The following RAD51B variants were observed in gnomAD, a reference collection of about 807,000 sequenced individuals.
RAD51B encodes DNA repair protein RAD51 homolog 2.
A neutral mutation model predicts 42.2 loss-of-function variants in RAD51B; 38 were observed. That is an observed-to-expected ratio of 0.90 (90% CI 0.70 to 1.18). RAD51B has a LOEUF of 1.18. RAD51B is among the 50% of genes most tolerant of loss of function. The pLI is 0.00. For synonymous variants in RAD51B, 154 were observed against 145.2 expected (o/e 1.06, Z -0.43); for missense variants, 373 against 400.7 (o/e 0.93, Z 0.59).
chr14:68,668,542 CTCTG>C (rs1292640657), intron 11 of RAD51B, among the ~76,000 whole-genome samples: 1 of 152,252 alleles, frequency 6.6e-6, no homozygotes, highest in African/African-American at 2.4e-5. Context: ...AGCCCTCCAG[CTCTG>C]TCTGTGATGG....
intron 10 of RAD51B, among the ~76,000 whole-genome samples, chr14:68,470,956 C>T (rs2086108606): frequency 1.3e-5 from 2 of 152,200 alleles, no homozygotes; most frequent in Non-Finnish European, 2.9e-5. Context: ...CCCCTTCTTA[C>T]CACATGACCA....
At chr14:68,059,278 T>G (rs549306262) in intron 7 of RAD51B, among the ~76,000 whole-genome samples, 29 of 152,342 alleles carry the variant, frequency 1.9e-4, no homozygotes, top group Admixed American at 3.9e-4. Context: ...CCTTCTGTAA[T>G]TCCTTCTCCC....
At chr14:68,668,908 G>A (rs577752410) in intron 11 of RAD51B, among the ~76,000 whole-genome samples, 1 of 152,364 alleles carries the variant, frequency 6.6e-6, no homozygotes, top group East Asian at 1.9e-4. Context: ...ATTGAACCAA[G>A]ATGGGTTTTC....
chr14:68,187,561 T>A (rs1330254586), intron 7 of RAD51B, among the ~76,000 whole-genome samples: 1 of 152,190 alleles, frequency 6.6e-6, no homozygotes, highest in Non-Finnish European at 1.5e-5. Context: ...TATGCTTTTA[T>A]GTTTGTAAAA....
At chr14:67,938,373 T>A (rs1458912174) in intron 7 of RAD51B, among the ~76,000 whole-genome samples, 1 of 152,246 alleles carries the variant, frequency 6.6e-6, no homozygotes, top group Admixed American at 6.5e-5. Context: ...GAAAGTTTTC[T>A]AACAAATAAT....
intron 9 of RAD51B, among the ~76,000 whole-genome samples, chr14:68,463,574 G>A (rs1416460913): frequency 6.6e-5 from 10 of 151,220 alleles, no homozygotes; most frequent in Non-Finnish European, 1.5e-4. Flanking sequence ...ATGTACTAGT[G>A]TATAATACTA....
chr14:68,514,325 A>C (rs938158081), intron 10 of RAD51B, among the ~76,000 whole-genome samples: 11 of 152,274 alleles, frequency 7.2e-5, no homozygotes, highest in Non-Finnish European at 1.3e-4. Context: ...AGCAGGACCT[A>C]CTGTGGCCCA....
chr14:68,212,880 A>G (rs985530963), intron 7 of RAD51B, among the ~76,000 whole-genome samples: 2 of 152,180 alleles, frequency 1.3e-5, no homozygotes, highest in African/African-American at 4.8e-5. Flanking sequence ...GGAAATGTCA[A>G]GGGATAGATT....
At chr14:68,032,743 A>G (rs2076066646) in intron 7 of RAD51B, among the ~76,000 whole-genome samples, 1 of 152,162 alleles carries the variant, frequency 6.6e-6, no homozygotes, top group African/African-American at 2.4e-5. Context: ...AAGAAATGTT[A>G]TTTCCCTTTA....
At chr14:68,038,053 A>G (rs1284607681) in intron 7 of RAD51B, among the ~76,000 whole-genome samples, 1 of 152,244 alleles carries the variant, frequency 6.6e-6, no homozygotes, top group African/African-American at 2.4e-5. Context: ...AGGGCAATGC[A>G]GACCAGACCA....
At chr14:68,655,207 A>ATCTC (rs374546216) in intron 11 of RAD51B, among the ~76,000 whole-genome samples, 1 of 151,106 alleles carries the variant, frequency 6.6e-6, no homozygotes, top group East Asian at 1.9e-4. Flanking sequence ...GCTGATGGTG[A>ATCTC]TCTCTCTCTC....
downstream of RAD51B, among the ~76,000 whole-genome samples, chr14:68,612,211 G>A (rs577916670): frequency 9.2e-5 from 14 of 152,350 alleles, no homozygotes; most frequent in South Asian, 2.1e-4. Flanking sequence ...TTTCACTTGC[G>A]TGGGAAGTCC....
intron 8 of RAD51B, among the ~76,000 whole-genome samples, chr14:68,297,453 T>A (rs2081636788): frequency 6.6e-6 from 1 of 152,334 alleles, no homozygotes; most frequent in East Asian, 1.9e-4. Flanking sequence ...AAATTTGTAA[T>A]CCATTAACCA....
intron 10 of RAD51B, among the ~76,000 whole-genome samples, chr14:68,592,091 C>T (rs145118401): frequency 6.6e-6 from 1 of 152,250 alleles, no homozygotes; most frequent in East Asian, 1.9e-4. Flanking sequence ...GGCCGTGATA[C>T]TGTGTCCCCT....
chr14:67,930,453 G>T (rs1296891643), intron 7 of RAD51B, among the ~76,000 whole-genome samples: 2 of 152,010 alleles, frequency 1.3e-5, no homozygotes, highest in African/African-American at 2.4e-5. Flanking sequence ...ATTTATGAAG[G>T]ATAATTTTGC....
chr14:67,825,455 T>C lies in RAD51B; in HGVS notation c.85-9T>C. On this transcript the variant is annotated splice_polypyrimidine_tract_variant and intron_variant, in intron 2 of 10. Transcript: ENST00000471583. ...ATATGTTTAAAATACTCTCTTTATG[T>C]TTCTTTAGGACTTTTTATGTCTTTC... is the stretch of plus-strand genomic sequence containing the variant. The C allele has an allele frequency of 1.9e-6, 3 of 1,580,698 alleles. No homozygotes were observed. The East Asian group carries it at 6.7e-5, about 35-fold the overall frequency.
chr14:68,465,949 A>AAAATAAAT (rs1555414300), intron 9 of RAD51B, among the ~76,000 whole-genome samples: 5 of 100,070 alleles, frequency 5.0e-5, no homozygotes, highest in African/African-American at 1.7e-4. Context: ...TCAAAAAAAA[A>AAAATAAAT]AAAAATAAAT....
chr14:68,495,559 A>G (rs1884444384), intron 10 of RAD51B, among the ~76,000 whole-genome samples: 1 of 152,128 alleles, frequency 6.6e-6, no homozygotes, highest in Non-Finnish European at 1.5e-5. Context: ...CTTGAAGGGA[A>G]ACGCAGTTGA....
chr14:68,649,178 C>T (rs1486924162), intron 10 of RAD51B, among the ~76,000 whole-genome samples: 1 of 152,186 alleles, frequency 6.6e-6, no homozygotes, highest in Non-Finnish European at 1.5e-5. Flanking sequence ...CTCCAAGCTC[C>T]GAGCTCTGAG....
Sources: gnomAD v4.1 joint callset for allele counts (sites outside exome capture counted in the v4.1 genomes callset) on GRCh38, gnomAD v4.1.1 for gene constraint, MANE v1.5 for transcripts, NCBI Gene and HGNC (gene_info 2026-07-23, HGNC 2026-07-21) for gene names.